The following GTF2B variants were observed in gnomAD, a reference collection of about 807,000 sequenced individuals.
GTF2B encodes the protein transcription initiation factor IIB.
Under a neutral mutation model 34.6 loss-of-function variants are expected in GTF2B, and 20 were observed. That is an observed-to-expected ratio of 0.58 (90% CI 0.41 to 0.84). The LOEUF (loss-of-function observed/expected upper bound fraction) is 0.84. Among genes scored for constraint, GTF2B ranks in the 40% least tolerant of loss-of-function variants. The pLI is 0.00. For synonymous variants in GTF2B, 142 were observed against 132.4 expected (o/e 1.07, Z -0.50); for missense variants, 237 against 393.3 (o/e 0.60, Z 3.36).
At chr1:88,881,158 A>C (rs1371673476) in intron 2 of GTF2B, among the ~76,000 whole-genome samples, 1 of 146,512 alleles carries the variant, frequency 6.8e-6, no homozygotes, top group Non-Finnish European at 1.5e-5. Context: ...AATACATGCT[A>C]GGTATGTATT....
At chr1:88,863,951 T>C (rs774157736) in intron 3 of GTF2B, 30 bp downstream of exon 3, 9 of 1,607,410 alleles carry the variant, frequency 5.6e-6, no homozygotes, top group Non-Finnish European at 7.7e-6. Flanking sequence ...CACTCTGCAA[T>C]TGGTATTTCC....
intron 1 of GTF2B, 34 bp downstream of exon 1, chr1:88,891,449 C>T: frequency 6.3e-7 from 1 of 1,584,616 alleles, no homozygotes; most frequent in Non-Finnish European, 8.6e-7. Flanking sequence ...CGCGCCCGCC[C>T]CTCAGCTCGC....
At chr1:88,876,536 G>C (rs1313047220) in intron 2 of GTF2B, among the ~76,000 whole-genome samples, 8 of 152,064 alleles carry the variant, frequency 5.3e-5, no homozygotes, top group Non-Finnish European at 1.2e-4. Context: ...TAAAAAATTA[G>C]CTGAGGGTGG....
At chr1:88,874,029 G>C (rs1326983680) in intron 2 of GTF2B, among the ~76,000 whole-genome samples, 1 of 152,118 alleles carries the variant, frequency 6.6e-6, no homozygotes, top group Non-Finnish European at 1.5e-5. Flanking sequence ...AGAATGTCCA[G>C]AAAAATCAGG....
At position 88,863,971 on chromosome 1, in the gene GTF2B, G is replaced by A; in HGVS notation, c.258+10C>T. 2 of 1,613,082 alleles carry A rather than the reference G, an allele frequency of 1.2e-6. No individual in the cohort carries two copies. The highest frequency in any genetic ancestry group is 1.7e-6 in the Non-Finnish European group (2 of 1,179,116). ...TGCAATTGGTATTTCCTGCCAAATG[G>A]ACTTATTACCTTGCCAATCATGGTA... is the stretch of plus-strand genomic sequence containing the variant. On this transcript the variant is annotated intron_variant, in intron 3 of 6. Coordinates refer to ENST00000370500, the MANE Select transcript of GTF2B (RefSeq NM_001514.6).
At chr1:88,887,522 G>A (rs1674103610) in intron 1 of GTF2B, among the ~76,000 whole-genome samples, 155 bp from the exon 2 acceptor site, 1 of 152,184 alleles carries the variant, frequency 6.6e-6, no homozygotes, top group African/African-American at 2.4e-5. Context: ...AAACATCCCA[G>A]TTAGGTTATT....
At position 88,857,480 on chromosome 1, in the gene GTF2B, A is replaced by C; in HGVS notation, c.543T>G (p.Cys181Trp). 3.2e-6 allele frequency: 5 copies of C among 1,552,886 alleles called. No individual in the cohort carries two copies. The highest frequency in any genetic ancestry group is 4.4e-6 in the Non-Finnish European group (5 of 1,129,598). ...EGVPRTFKEI[C>W]AVSRISKKEI... ...CTTTCTTAGAAATTCGTGATACGGCACATATTTCTAAAAGAAAAAAAATTA... is the reference window on the plus strand; with the variant it reads ...CTTTCTTAGAAATTCGTGATACGGCCCATATTTCTAAAAGAAAAAAAATTA... The change falls in exon 6 of 7, where the codon TGT (cysteine) becomes TGG (tryptophan). Residue 181 changes from cysteine (C) to tryptophan (W), a missense_variant. Cys to Trp is a radical substitution (Grantham distance 215). Transcript: ENST00000370500.
chr1:88,871,156 C>T (rs1673686151), intron 2 of GTF2B, among the ~76,000 whole-genome samples: 1 of 152,108 alleles, frequency 6.6e-6, no homozygotes, highest in African/African-American at 2.4e-5. Context: ...CAAACATTGG[C>T]CTCCCAAAGT....
chr1:88,877,660 A>C (rs994406683), intron 2 of GTF2B, among the ~76,000 whole-genome samples: 4 of 152,232 alleles, frequency 2.6e-5, no homozygotes, highest in African/African-American at 9.6e-5. Flanking sequence ...GGCCGGACAC[A>C]GTGGCTCATG....
At chr1:88,857,691 C>CTTTTTTCTTTTTT (rs1673345778) in intron 5 of GTF2B, among the ~76,000 whole-genome samples, 1 of 108,152 alleles carries the variant, frequency 9.2e-6, no homozygotes, top group Non-Finnish European at 1.8e-5. Flanking sequence ...TTCATCACAC[C>CTTTTTTCTTTTTT]TTTTTTTTTG....
At chr1:88,857,080 T>C (rs6428481) in intron 6 of GTF2B, 126 bp downstream of exon 6, 43,804 of 815,734 alleles carry the variant, frequency 0.054, 4,809 homozygotes, top group African/African-American at 0.38. Context: ...AGATTATAGG[T>C]GTGAGCCCCC....
chr1:88,885,144 T>C lies in GTF2B; in HGVS notation c.124+2117A>G, dbSNP rs1051386644. Among the ~76,000 whole-genome samples the C allele has an allele frequency of 2.0e-5, 3 of 152,170 alleles. No homozygotes were observed. In the South Asian group the frequency reaches 6.2e-4, roughly 32 times the overall value. ...GAGTGTTGCTATATTCCATTAAAAC[T>C]TTATAGATACCAGGCCAGGTATGGT... is the stretch of plus-strand genomic sequence containing the variant. On this transcript the variant is annotated intron_variant, in intron 2 of 6. Transcript: ENST00000370500.
At chr1:88,856,756 CAT>C (rs1673321506) in intron 6 of GTF2B, among the ~76,000 whole-genome samples, 1 of 150,484 alleles carries the variant, frequency 6.6e-6, no homozygotes, top group Non-Finnish European at 1.5e-5. Context: ...AAAAGCAAAA[CAT>C]ATTTTCTTAA....
intron 2 of GTF2B, among the ~76,000 whole-genome samples, chr1:88,875,180 ATACTAT>A (rs1384915645): frequency 6.6e-6 from 1 of 152,246 alleles, no homozygotes; most frequent in African/African-American, 2.4e-5. Flanking sequence ...TTATAAAGAA[ATACTAT>A]TAATAATACA....
rs996765943 is a variant in GTF2B at position 88,887,623 on chromosome 1, T to C, written c.18-256A>G. 7 of 391,586 alleles carry C rather than the reference T, an allele frequency of 1.8e-5. No homozygotes were observed. The Admixed American group carries it at 1.9e-4, about 11-fold the overall frequency. 24.3% of individuals were successfully genotyped at this position (391,586 alleles called of 1,614,324 possible). ...TCAAAACATAAATAGAAAATAATTG[T>C]TTCTTCTCTCAATATGTATGCCAGT... On this transcript the variant is annotated intron_variant, in intron 1 of 6. Transcript: ENST00000370500.
intron 3 of GTF2B, 101 bp from the exon 4 acceptor site, chr1:88,860,387 C>T (rs1027822148): frequency 1.1e-5 from 9 of 792,384 alleles, no homozygotes; most frequent in African/African-American, 3.4e-5. Context: ...TCTACATAGA[C>T]CAGAAATCTG....
chr1:88,888,247 T>C lies in GTF2B; in HGVS notation c.18-880A>G, dbSNP rs188826168. Among the ~76,000 whole-genome samples, 28 of 152,302 alleles carry C rather than the reference T, an allele frequency of 1.8e-4. No homozygotes were observed. In the East Asian group the frequency reaches 5.2e-3, roughly 28 times the overall value. On this transcript the variant is annotated intron_variant, in intron 1 of 6. Coordinates refer to ENST00000370500, the MANE Select transcript of GTF2B (RefSeq NM_001514.6). ...AACTGTTCTTATAGTATGTAAATAG[T>C]ATTTGTGGTTTGGGGTAAAGTTTCT... is the stretch of plus-strand genomic sequence containing the variant.
intron 1 of GTF2B, among the ~76,000 whole-genome samples, chr1:88,890,980 C>T (rs1165174254): frequency 6.6e-6 from 1 of 151,920 alleles, no homozygotes; most frequent in African/African-American, 2.4e-5. Flanking sequence ...AACCAGGTTC[C>T]ATCTGGCTTA....
At chr1:88,869,223 A>T (rs192071133) in intron 2 of GTF2B, among the ~76,000 whole-genome samples, 10 of 152,344 alleles carry the variant, frequency 6.6e-5, no homozygotes, top group Admixed American at 6.5e-4. Flanking sequence ...GATTTAAAGT[A>T]TATGGGAGGA....
Sources: gnomAD v4.1 joint callset for allele counts (sites outside exome capture counted in the v4.1 genomes callset) on GRCh38, gnomAD v4.1.1 for gene constraint, MANE v1.5 for transcripts, NCBI Gene and HGNC (gene_info 2026-07-23, HGNC 2026-07-21) for gene names.